The following HADH variants were observed in gnomAD, a reference collection of about 807,000 sequenced individuals.
HADH encodes the protein hydroxyacyl-coenzyme A dehydrogenase, mitochondrial.
HADH carries 24 observed loss-of-function variants against 32.2 expected under a neutral mutation model. The observed-to-expected ratio is 0.75, with a 90% CI of 0.54 to 1.05. The LOEUF is 1.05. Ranked by LOEUF, HADH falls within the 50% of genes least tolerant of loss-of-function variation. The probability of loss-of-function intolerance (pLI) is 0.00; values close to 1 mark genes in which losing one functional copy is unlikely to be tolerated. For synonymous variants in HADH, 139 were observed against 152.5 expected, an observed-to-expected ratio of 0.91 and a Z score of 0.65; for missense variants, 350 against 397.1, an observed-to-expected ratio of 0.88 and a Z score of 1.01.
chr4:108,028,635 CTT>C (rs1736144558), intron 6 of HADH: 1 of 386,120 alleles, frequency 2.6e-6, no homozygotes, highest in Admixed American at 4.5e-5. Flanking sequence ...AATTGCCTCA[CTT>C]TTGCTCCAAG....
At chr4:108,020,689 T>C (rs1241169417) in intron 4 of HADH, among the ~76,000 whole-genome samples, 1 of 152,084 alleles carries the variant, frequency 6.6e-6, no homozygotes, top group Non-Finnish European at 1.5e-5. Context: ...AATTACAGGG[T>C]CTGAGGAGCA....
At chr4:107,990,285 C>T (rs911087550) in intron 1 of HADH, among the ~76,000 whole-genome samples, 19 of 152,328 alleles carry the variant, frequency 1.2e-4, no homozygotes, top group Admixed American at 9.8e-4. Flanking sequence ...TCAGCTTCCT[C>T]GTTTGGAAAA....
At chr4:107,996,643 C>T (rs1734966339) in intron 1 of HADH, among the ~76,000 whole-genome samples, 2 of 152,190 alleles carry the variant, frequency 1.3e-5, no homozygotes, top group South Asian at 4.1e-4. Flanking sequence ...CCTGTAATCC[C>T]ATCACTTTGG....
At chr4:108,023,800 T>C in intron 5 of HADH, 1 of 512,528 alleles carries the variant, frequency 2.0e-6, no homozygotes, top group Non-Finnish European at 3.6e-6. Context: ...TGAATGGAGC[T>C]CAGGACACCA....
chr4:108,008,209 G>A (rs1468129475), intron 1 of HADH, among the ~76,000 whole-genome samples: 2 of 152,188 alleles, frequency 1.3e-5, no homozygotes, highest in Non-Finnish European at 2.9e-5. Context: ...GAATGTTTCT[G>A]CTGATGGGCT....
chr4:108,004,487 A>G, intron 1 of HADH: 1 of 412,918 alleles, frequency 2.4e-6, no homozygotes. Context: ...GTTGTGGTAT[A>G]CTCCAGTGCA....
At chr4:107,990,097 C>T (rs1734731163) in intron 1 of HADH, 33 bp downstream of exon 1, 1 of 1,583,942 alleles carries the variant, frequency 6.3e-7, no homozygotes, top group African/African-American at 1.3e-5. Context: ...TGCCCACGCG[C>T]TTGGCCGCCC....
intron 1 of HADH, among the ~76,000 whole-genome samples, chr4:107,992,677 A>G (rs186332188): frequency 7.2e-5 from 11 of 152,226 alleles, no homozygotes; most frequent in Non-Finnish European, 2.9e-5. Context: ...GACTAATGCT[A>G]GTACTGGCCT....
intron 1 of HADH, among the ~76,000 whole-genome samples, chr4:107,993,788 A>C (rs1289743629): frequency 2.0e-5 from 3 of 152,188 alleles, no homozygotes; most frequent in Non-Finnish European, 2.9e-5. Flanking sequence ...AACTTGTTTC[A>C]TGTGTTTGCT....
intron 5 of HADH, 33 bp downstream of exon 5, chr4:108,023,596 T>G (rs779258343): frequency 8.6e-7 from 1 of 1,164,292 alleles, no homozygotes; most frequent in African/African-American, 1.5e-5. Context: ...AAGGAGGTAG[T>G]TCTTTTCTTC....
chr4:108,016,705 G>T (rs1231600312), intron 3 of HADH, among the ~76,000 whole-genome samples: 1 of 152,224 alleles, frequency 6.6e-6, no homozygotes, highest in Admixed American at 6.5e-5. Context: ...CCTGGGCCTG[G>T]TGCTGACCCC....
intron 3 of HADH, among the ~76,000 whole-genome samples, chr4:108,018,691 G>C (rs1735775762): frequency 6.6e-6 from 1 of 151,988 alleles, no homozygotes; most frequent in Admixed American, 6.6e-5. Context: ...TGGTCAGTAA[G>C]GGATCCTTTC....
Position 107,996,337 on chromosome 4 carries a change from TC to T in HADH, c.132+6275del, listed in dbSNP as rs1257603430. Among the ~76,000 whole-genome samples the T allele has an allele frequency of 3.9e-5, 6 of 152,352 alleles. No individual in the cohort carries two copies. The East Asian group carries it at 1.2e-3, about 29-fold the overall frequency. ...GAAAGTGTCCATCATAGCAACATCTTCCAGGGATTCTTAAATATAACGATGC... is the reference window on the plus strand; with the variant it reads ...GAAAGTGTCCATCATAGCAACATCTTCAGGGATTCTTAAATATAACGATGC... On this transcript the variant is annotated intron_variant, in intron 1 of 7. Coordinates refer to ENST00000309522, the MANE Select transcript of HADH (RefSeq NM_005327.7).
At chr4:108,011,033 G>A (rs1171830743) in intron 2 of HADH, among the ~76,000 whole-genome samples, 1 of 152,052 alleles carries the variant, frequency 6.6e-6, no homozygotes, top group Non-Finnish European at 1.5e-5. Context: ...AGTTTTAGTA[G>A]AGATGGGGTT....
In HADH at chr4:108,004,775, T is replaced by C. The variant is rs1270808484; in HGVS notation, c.133-4984T>C. On this transcript the variant is annotated intron_variant, in intron 1 of 7. Coordinates refer to ENST00000309522, the MANE Select transcript of HADH (RefSeq NM_005327.7). ...GGTCAAAAGAAGCAGCTGAAGAACA[T>C]GTGTAGGACAGCCTTAGGAGTTACT... is the stretch of plus-strand genomic sequence containing the variant. 9 of 1,535,794 alleles carry C rather than the reference T, an allele frequency of 5.9e-6. No individual in the cohort carries two copies. In the Admixed American group the frequency reaches 5.9e-5, roughly 10 times the overall value.
intron 2 of HADH, among the ~76,000 whole-genome samples, chr4:108,013,220 T>A (rs538675963): frequency 8.1e-4 from 123 of 152,340 alleles, no homozygotes; most frequent in African/African-American, 2.7e-3. Flanking sequence ...TGTGAGCCAC[T>A]GCGCCCGGAC....
At chr4:108,006,246 A>G (rs981057049) in intron 1 of HADH, among the ~76,000 whole-genome samples, 1 of 152,080 alleles carries the variant, frequency 6.6e-6, no homozygotes. Flanking sequence ...TCAGAGAGCA[A>G]CAGGAAGACT....
intron 1 of HADH, among the ~76,000 whole-genome samples, chr4:108,000,579 A>G (rs1162680475): frequency 1.3e-5 from 2 of 152,182 alleles, no homozygotes; most frequent in Admixed American, 6.5e-5. Flanking sequence ...TTCTTTCAGT[A>G]TTTGAATTCC....
intron 4 of HADH, among the ~76,000 whole-genome samples, chr4:108,021,479 T>A (rs1242098056): frequency 6.6e-6 from 1 of 152,222 alleles, no homozygotes; most frequent in Non-Finnish European, 1.5e-5. Flanking sequence ...ATAACTTGTA[T>A]AATAAGCTAA....
Sources: allele counts gnomAD v4.1 joint callset (sites outside exome capture counted in the v4.1 genomes callset), GRCh38; gene constraint gnomAD v4.1.1; transcripts MANE v1.5; gene names NCBI Gene and HGNC (gene_info 2026-07-23, HGNC 2026-07-21).